Variants in GALNT13 observed in about 807,000 individuals in gnomAD.
GALNT13 encodes polypeptide N-acetylgalactosaminyltransferase 13.
GALNT13 carries 28 observed loss-of-function variants against 64.2 expected under a neutral mutation model. That is an observed-to-expected ratio of 0.44 (90% confidence interval 0.32 to 0.60). GALNT13 has a LOEUF of 0.60. Among genes scored for constraint, GALNT13 ranks in the 20% least tolerant of loss-of-function variants. The pLI is 0.05. For synonymous variants in GALNT13, 214 were observed against 224.6 expected (o/e 0.95, Z 0.42); for missense variants, 577 against 669.8 (o/e 0.86, Z 1.53).
At chr2:153,592,196 G>A in the GALNT13 span, among the ~76,000 whole-genome samples, 1 of 152,136 alleles carries the variant, frequency 6.6e-6, no homozygotes, top group Non-Finnish European at 1.5e-5. Context: ...AGATGTTGGT[G>A]AGGATGCAGT....
the GALNT13 span, among the ~76,000 whole-genome samples, chr2:153,118,142 CACA>C: frequency 1.4e-5 from 2 of 147,984 alleles, no homozygotes; most frequent in African/African-American, 4.9e-5. Flanking sequence ...CACACACACA[CACA>C]CCCCACATAA....
chr2:153,464,677 G>A, the GALNT13 span, among the ~76,000 whole-genome samples: 22 of 151,928 alleles, frequency 1.4e-4, no homozygotes, highest in East Asian at 1.9e-4. Context: ...GGACTGTAAG[G>A]TCACACCATG....
At chr2:154,127,955 G>A (rs1363583449) in intron 3 of GALNT13, among the ~76,000 whole-genome samples, 1 of 151,794 alleles carries the variant, frequency 6.6e-6, no homozygotes, top group Admixed American at 6.6e-5. Context: ...CTTATCCTTA[G>A]AGCACTGTGT....
rs939734891 is a variant in GALNT13, at chr2:154,059,813, A to G, written c.143-80524A>G. Among the ~76,000 whole-genome samples, 4 of 152,126 alleles carry G rather than the reference A, an allele frequency of 2.6e-5. No homozygotes were observed. The East Asian group carries it at 7.7e-4, about 29-fold the overall frequency. Reference sequence around the variant, plus strand: ...AAGATGCCTGCGGGAAAGAGATGACACACTCAAAAAGAGTGACTAAGGAAG... The same window carrying G: ...AAGATGCCTGCGGGAAAGAGATGACGCACTCAAAAAGAGTGACTAAGGAAG... On this transcript the variant is annotated intron_variant, in intron 3 of 12. Transcript: ENST00000392825.
chr2:153,320,617 A>G, the GALNT13 span, among the ~76,000 whole-genome samples: 1 of 152,192 alleles, frequency 6.6e-6, no homozygotes, highest in Non-Finnish European at 1.5e-5. Context: ...CTTTTGCTTT[A>G]ATGTTATTTG....
rs578241267 is a variant in GALNT13 at position 154,296,878 on chromosome 2, G to A, written c.976-4531G>A. ...GGTGGTTTGCTGCATCCATCAACCC[G>A]TCAGCAATTGGAGAAGACCTCTCTG... On this transcript the variant is annotated intron_variant, in intron 8 of 12. Transcript: ENST00000392825. Among the ~76,000 whole-genome samples, 7 of 152,156 alleles carry A rather than the reference G, an allele frequency of 4.6e-5. No individual in the cohort carries two copies. In the South Asian group the frequency reaches 6.2e-4, roughly 14 times the overall value.
the GALNT13 span, among the ~76,000 whole-genome samples, chr2:153,417,905 C>G: frequency 4.6e-5 from 7 of 151,900 alleles, no homozygotes; most frequent in Admixed American, 1.3e-4. Context: ...ACAGTTAACA[C>G]GAGGAATAAG....
chr2:153,541,032 GC>G, the GALNT13 span, among the ~76,000 whole-genome samples: 1 of 152,078 alleles, frequency 6.6e-6, no homozygotes, highest in African/African-American at 2.4e-5. Context: ...TTTGAGAGGG[GC>G]CAGGGGTGGA....
At chr2:153,567,735 A>C in the GALNT13 span, among the ~76,000 whole-genome samples, 2 of 152,244 alleles carry the variant, frequency 1.3e-5, no homozygotes, top group Admixed American at 1.3e-4. Context: ...AAAATTGCTT[A>C]ACAAGGAAAA....
intron 3 of GALNT13, among the ~76,000 whole-genome samples, 193 bp from the exon 4 acceptor site, chr2:154,140,144 G>A (rs114028349): frequency 8.3e-4 from 126 of 152,146 alleles, no homozygotes; most frequent in African/African-American, 2.9e-3. Context: ...TCTAAACTTG[G>A]AAGATAATAC....
chr2:153,514,061 T>A, the GALNT13 span, among the ~76,000 whole-genome samples: 2 of 152,220 alleles, frequency 1.3e-5, no homozygotes, highest in African/African-American at 4.8e-5. Flanking sequence ...TTTTTAATTT[T>A]TTTTCTCTAA....
the GALNT13 span, among the ~76,000 whole-genome samples, chr2:153,317,565 A>G: frequency 2.0e-5 from 3 of 152,168 alleles, no homozygotes; most frequent in Admixed American, 2.0e-4. Flanking sequence ...AATTATTGAT[A>G]AAACTTTTCT....
intron 9 of GALNT13, among the ~76,000 whole-genome samples, chr2:154,330,487 TG>T (rs1695109429): frequency 1.3e-5 from 2 of 152,110 alleles, no homozygotes; most frequent in Admixed American, 1.3e-4. Flanking sequence ...GTAATCACCT[TG>T]CTCCCTAATT....
chr2:153,183,627 A>G, the GALNT13 span, among the ~76,000 whole-genome samples: 6 of 152,236 alleles, frequency 3.9e-5, no homozygotes, highest in Middle Eastern at 0.01. Flanking sequence ...TCTTTAATCC[A>G]TCTTGGTTAA....
chr2:154,235,633 A>G (rs1689153902), intron 4 of GALNT13, among the ~76,000 whole-genome samples: 1 of 152,178 alleles, frequency 6.6e-6, no homozygotes, highest in Non-Finnish European at 1.5e-5. Flanking sequence ...TGACTGAGGT[A>G]GTAAAAGGCA....
chr2:154,175,663 A>C (rs936087227), intron 4 of GALNT13, among the ~76,000 whole-genome samples: 3 of 152,202 alleles, frequency 2.0e-5, no homozygotes, highest in Non-Finnish European at 4.4e-5. Context: ...TGTACAAAAT[A>C]CCAAAAAATA....
At chr2:154,173,006 T>C (rs974372013) in intron 4 of GALNT13, among the ~76,000 whole-genome samples, 1 of 151,758 alleles carries the variant, frequency 6.6e-6, no homozygotes, top group Non-Finnish European at 1.5e-5. Flanking sequence ...AGACCCCAAA[T>C]AGACAAAGCA....
At chr2:153,748,460 C>A in the GALNT13 span, among the ~76,000 whole-genome samples, 1 of 151,980 alleles carries the variant, frequency 6.6e-6, no homozygotes, top group Admixed American at 6.6e-5. Context: ...GTCTTTTGGA[C>A]AAGTCATTTT....
the GALNT13 span, among the ~76,000 whole-genome samples, chr2:153,133,783 G>A: frequency 2.6e-5 from 4 of 152,224 alleles, no homozygotes; most frequent in South Asian, 2.1e-4. Context: ...GCCTCTTCTC[G>A]ATGACATGGC....
Sources: gnomAD v4.1 joint callset for allele counts (sites outside exome capture counted in the v4.1 genomes callset) on GRCh38, gnomAD v4.1.1 for gene constraint, MANE v1.5 for transcripts, NCBI Gene and HGNC (gene_info 2026-07-23, HGNC 2026-07-21) for gene names.